Variants in GABRB1 observed in about 807,000 individuals in gnomAD.
GABRB1 encodes the protein gamma-aminobutyric acid type A receptor subunit beta1, also known as gamma-aminobutyric acid receptor subunit beta-1.
In GABRB1, 17 loss-of-function variants were observed where a neutral mutation model predicts 51.6. The observed-to-expected ratio is 0.33, with a 90% CI of 0.23 to 0.49. The LOEUF is 0.49. GABRB1 is among the 20% of genes least tolerant of loss of function. GABRB1 has a pLI of 0.99. For missense variants in GABRB1, 410 were observed against 600.6 expected (o/e 0.68, Z 3.32); for synonymous variants, 247 against 218.9 (o/e 1.13, Z -1.14).
At chr4:47,228,107 A>G (rs955645008) in intron 4 of GABRB1, among the ~76,000 whole-genome samples, 6 of 152,180 alleles carry the variant, frequency 3.9e-5, no homozygotes, top group African/African-American at 1.4e-4. Flanking sequence ...GTGAACTCTC[A>G]AAATTCATGT....
At chr4:47,363,537 A>G (rs1726877381) in intron 5 of GABRB1, among the ~76,000 whole-genome samples, 1 of 152,152 alleles carries the variant, frequency 6.6e-6, no homozygotes, top group South Asian at 2.1e-4. Flanking sequence ...CTCCCAGGTC[A>G]TATTTATAAT....
chr4:47,147,791 G>A (rs1440805038), intron 3 of GABRB1, among the ~76,000 whole-genome samples: 1 of 151,996 alleles, frequency 6.6e-6, no homozygotes, highest in Non-Finnish European at 1.5e-5. Flanking sequence ...CAAGACAAGA[G>A]GTATGTTGGA....
chr4:47,202,305 T>C (rs1012897754), intron 4 of GABRB1, among the ~76,000 whole-genome samples: 2 of 152,138 alleles, frequency 1.3e-5, no homozygotes, highest in Admixed American at 1.3e-4. Flanking sequence ...CCTTCTGCCA[T>C]GATTGTAAGT....
intron 1 of GABRB1, among the ~76,000 whole-genome samples, chr4:47,007,866 G>GTTATATATATATATATATATATATATA (rs1476319173): frequency 4.0e-5 from 2 of 49,970 alleles, no homozygotes; most frequent in African/African-American, 1.6e-4. Context: ...CTTGGAACTG[G>GTTATATATATATATATATATATATATA]TATATATATA....
At chr4:47,202,406 G>A (rs1719933186) in intron 4 of GABRB1, among the ~76,000 whole-genome samples, 1 of 152,108 alleles carries the variant, frequency 6.6e-6, no homozygotes, top group Admixed American at 6.6e-5. Context: ...GTTCTTTACA[G>A]CAGTGTGAAA....
chr4:47,079,819 A>G (rs1278953093), intron 3 of GABRB1, among the ~76,000 whole-genome samples: 1 of 118,452 alleles, frequency 8.4e-6, no homozygotes, highest in Non-Finnish European at 1.6e-5. Flanking sequence ...GGACACAGGA[A>G]GGGGAACATC....
chr4:47,143,670 T>C (rs986992998), intron 3 of GABRB1, among the ~76,000 whole-genome samples: 4 of 151,954 alleles, frequency 2.6e-5, no homozygotes, highest in Non-Finnish European at 5.9e-5. Context: ...TTATTTGTAT[T>C]TGCATATTCA....
At chr4:46,993,662 C>T, upstream of GABRB1, 1 of 520,764 alleles carries the variant, frequency 1.9e-6, no homozygotes, top group Non-Finnish European at 3.5e-6. Context: ...GTATGTAGAG[C>T]TATGTATACC....
chr4:47,310,166 A>G (rs1724617938), intron 4 of GABRB1, among the ~76,000 whole-genome samples: 1 of 152,158 alleles, frequency 6.6e-6, no homozygotes, highest in South Asian at 2.1e-4. Context: ...TAATGTAAAT[A>G]TTTATCTGAT....
intron 1 of GABRB1, among the ~76,000 whole-genome samples, chr4:47,004,850 C>T (rs1485302942): frequency 6.6e-6 from 1 of 152,124 alleles, no homozygotes; most frequent in African/African-American, 2.4e-5. Flanking sequence ...CTAGGAAAAA[C>T]AATATGTTTG....
At chr4:47,114,880 G>A (rs557771455) in intron 3 of GABRB1, among the ~76,000 whole-genome samples, 2 of 152,270 alleles carry the variant, frequency 1.3e-5, no homozygotes, top group Non-Finnish European at 2.9e-5. Context: ...GTGACTGCAC[G>A]CTAAGCTGGT....
intron 1 of GABRB1, among the ~76,000 whole-genome samples, chr4:47,008,699 G>C (rs1352886121): frequency 7.3e-6 from 1 of 137,186 alleles, no homozygotes; most frequent in Non-Finnish European, 1.5e-5. Flanking sequence ...GGCTGGTCTT[G>C]AACTCCTGAC....
intron 4 of GABRB1, among the ~76,000 whole-genome samples, chr4:47,168,774 C>T (rs1185147082): frequency 2.0e-5 from 3 of 152,038 alleles, no homozygotes; most frequent in Non-Finnish European, 4.4e-5. Context: ...ATAACTTAAA[C>T]AGTAGAAATT....
chr4:47,195,109 G>A (rs1360314424), intron 4 of GABRB1, among the ~76,000 whole-genome samples: 1 of 152,142 alleles, frequency 6.6e-6, no homozygotes, highest in African/African-American at 2.4e-5. Flanking sequence ...GCTCATGCCT[G>A]TAACCCCAGC....
intron 4 of GABRB1, among the ~76,000 whole-genome samples, chr4:47,175,212 CTCTCTTTCT>C (rs1672826035): frequency 6.8e-6 from 1 of 146,096 alleles, no homozygotes; most frequent in Non-Finnish European, 1.5e-5. Flanking sequence ...TTCTTTCTTT[CTCTCTTTCT>C]TCTCTTTCTT....
intron 3 of GABRB1, among the ~76,000 whole-genome samples, chr4:47,113,930 T>C (rs1313347370): frequency 1.3e-5 from 2 of 152,212 alleles, no homozygotes; most frequent in African/African-American, 4.8e-5. Context: ...TATAGTTGAG[T>C]AGGATCTAGC....
At chr4:47,094,325 A>C (rs1257510002) in intron 3 of GABRB1, among the ~76,000 whole-genome samples, 4 of 148,952 alleles carry the variant, frequency 2.7e-5, no homozygotes, top group Non-Finnish European at 4.4e-5. Context: ...TCCCAGGTTC[A>C]AGCGATTCTT....
chr4:47,352,255 G>A (rs1213701017), intron 5 of GABRB1, among the ~76,000 whole-genome samples: 4 of 152,182 alleles, frequency 2.6e-5, no homozygotes, highest in Admixed American at 1.3e-4. Context: ...AACAGGATCT[G>A]AAATTGTGGC....
intron 4 of GABRB1, among the ~76,000 whole-genome samples, chr4:47,315,256 A>ATAAAAAATGCTCAACTT (rs1302058223): frequency 2.6e-5 from 4 of 152,030 alleles, no homozygotes. Flanking sequence ...AAGAAGACAT[A>ATAAAAAATGCTCAACTT]CACGCATCCA....
Sources: gnomAD v4.1 joint callset for allele counts (sites outside exome capture counted in the v4.1 genomes callset) on GRCh38, gnomAD v4.1.1 for gene constraint, MANE v1.5 for transcripts, NCBI Gene and HGNC (gene_info 2026-07-23, HGNC 2026-07-21) for gene names.